Variants in BRSK2 observed in about 807,000 individuals in gnomAD.
BRSK2 encodes the protein BR serine/threonine kinase 2, also known as serine/threonine-protein kinase BRSK2.
A neutral mutation model predicts 83.3 loss-of-function variants in BRSK2; 19 were observed. The ratio of observed to expected loss-of-function variants is 0.23; its 90% CI spans 0.16 to 0.33. BRSK2 has a LOEUF of 0.33. Among genes scored for constraint, BRSK2 ranks in the 10% least tolerant of loss-of-function variants. The probability of loss-of-function intolerance (pLI) is 1.00; values close to 1 mark genes in which losing one functional copy is unlikely to be tolerated. For missense variants in BRSK2, 798 were observed against 1,042.3 expected, an observed-to-expected ratio of 0.77 and a Z score of 3.23; for synonymous variants, 519 against 435.4, an observed-to-expected ratio of 1.19 and a Z score of -2.39.
At chr11:1,445,960 G>A (rs947449975) in intron 12 of BRSK2, 53 bp downstream of exon 12, 12 of 1,543,612 alleles carry the variant, frequency 7.8e-6, no homozygotes, top group African/African-American at 1.4e-5. Context: ...TGGCTGCGCG[G>A]CACTGCCGCC....
At chr11:1,426,466 A>C (rs1849238291) in intron 1 of BRSK2, among the ~76,000 whole-genome samples, 1 of 152,098 alleles carries the variant, frequency 6.6e-6, no homozygotes, top group Non-Finnish European at 1.5e-5. Context: ...CGGGGAGGAC[A>C]CATGTAGCCC....
rs1845735022 is a variant in BRSK2, at chr11:1,450,859, C to G, written c.1495+65C>G. 6 of 1,448,372 alleles carry G rather than the reference C, an allele frequency of 4.1e-6. No homozygotes were observed. The Admixed American group carries it at 1.6e-4, about 38-fold the overall frequency. The allele number at this position is 1,448,372 out of a possible 1,614,324, so 89.7% of individuals were successfully genotyped here. On this transcript the variant is annotated intron_variant, in intron 14 of 19. Transcript: ENST00000528841. ...AGAGCAGAGGCTGCCTTGGGGAGGGCCCCGCCCGGCAGTGCCAGACCAGTC... is the reference window on the plus strand; with the variant it reads ...AGAGCAGAGGCTGCCTTGGGGAGGGGCCCGCCCGGCAGTGCCAGACCAGTC...
At chr11:1,442,705 C>T (rs572429773) in intron 5 of BRSK2, 99 bp downstream of exon 5, 86 of 963,282 alleles carry the variant, frequency 8.9e-5, no homozygotes, top group African/African-American at 4.0e-4. Flanking sequence ...CTGAGCCTCC[C>T]GGCACCCCAC....
intron 1 of BRSK2, among the ~76,000 whole-genome samples, chr11:1,400,199 G>A (rs1033545475): frequency 6.6e-6 from 1 of 152,226 alleles, no homozygotes; most frequent in African/African-American, 2.4e-5. Context: ...GAGGGAGTGG[G>A]CAGGCGCTGG....
At position 1,454,657 on chromosome 11, in the gene BRSK2, A is replaced by G. The variant is rs762038374; in HGVS notation, c.1668+49A>G. 1.9e-6 allele frequency: 3 copies of G among 1,605,244 alleles called. No individual in the cohort carries two copies. Among genetic ancestry groups the G allele is most frequent in the Admixed American group, 3.3e-5 (2 of 59,810 alleles). The stretch of plus-strand genomic sequence containing the variant: ...AGGCGGGCAGCCCTCCCAACCCCAC[A>G]CGGCCCAGCCCCGAGAATCCAGCCT... On this transcript the variant is annotated intron_variant, in intron 16 of 19. Coordinates refer to ENST00000528841, the MANE Select transcript of BRSK2 (RefSeq NM_001256627.2). This position sits in a 1 kb window ranked among gnomAD's most constrained non-coding sequence, Gnocchi z 5.2.
rs573137382 is a variant in BRSK2 at position 1,434,708 on chromosome 11, C to T, written c.92-1332C>T. ...GTCTGGGGGCACCTAGGAGTGGGGT[C>T]CCCGTGATAACCTGGGCCGGCTCTG... On this transcript the variant is annotated intron_variant, in intron 1 of 19. Transcript: ENST00000528841. Among the ~76,000 whole-genome samples the T allele has an allele frequency of 3.5e-3, 521 of 150,704 alleles. 1 individual carries two copies. Among genetic ancestry groups the T allele is most frequent in the Middle Eastern group, 6.9e-3 (2 of 290 alleles).
At chr11:1,434,301 C>T (rs562230653) in intron 1 of BRSK2, among the ~76,000 whole-genome samples, 1 of 152,278 alleles carries the variant, frequency 6.6e-6, no homozygotes, top group African/African-American at 2.4e-5. Flanking sequence ...ATCTGGGTGT[C>T]TGGGCGCACC....
At chr11:1,455,116 G>T (rs1846326525) in intron 16 of BRSK2, among the ~76,000 whole-genome samples, 1 of 152,164 alleles carries the variant, frequency 6.6e-6, no homozygotes, top group African/African-American at 2.4e-5. Context: ...TCGCGCTCGG[G>T]GTCTTGGGTG....
intron 1 of BRSK2, among the ~76,000 whole-genome samples, chr11:1,394,686 T>C (rs1845950032): frequency 7.5e-6 from 1 of 133,620 alleles, no homozygotes; most frequent in African/African-American, 2.9e-5. Context: ...AGATGGGTCC[T>C]GGAGATGGGT....
At chr11:1,401,526 A>C in intron 1 of BRSK2, among the ~76,000 whole-genome samples, 1 of 151,580 alleles carries the variant, frequency 6.6e-6, no homozygotes, top group African/African-American at 2.4e-5. Context: ...AGGGAACATC[A>C]CTCCTGGGCC....
chr11:1,449,334 A>C (rs1423266319), intron 12 of BRSK2, among the ~76,000 whole-genome samples: 1 of 152,168 alleles, frequency 6.6e-6, no homozygotes, highest in East Asian at 1.9e-4. Flanking sequence ...GCATCTAGGG[A>C]CATGGAGGAC....
At chr11:1,458,759 G>C (rs959892485) in intron 18 of BRSK2, among the ~76,000 whole-genome samples, 1 of 152,196 alleles carries the variant, frequency 6.6e-6, no homozygotes, top group Non-Finnish European at 1.5e-5. Context: ...GAGGGCCGAG[G>C]AAGAGGGTGC....
chr11:1,395,416 C>G (rs1356017764), intron 1 of BRSK2, among the ~76,000 whole-genome samples: 2 of 152,196 alleles, frequency 1.3e-5, no homozygotes, highest in Non-Finnish European at 2.9e-5. Flanking sequence ...CCTCAAGATG[C>G]TGCCCCTGGC....
At chr11:1,446,031 G>C in intron 12 of BRSK2, 124 bp downstream of exon 12, 1 of 1,301,500 alleles carries the variant, frequency 7.7e-7, no homozygotes, top group Non-Finnish European at 1.0e-6. Flanking sequence ...GGGCTGTATG[G>C]GCTAAACTGG....
intron 1 of BRSK2, among the ~76,000 whole-genome samples, chr11:1,408,500 G>A (rs868110654): frequency 2.6e-5 from 4 of 152,148 alleles, no homozygotes; most frequent in South Asian, 2.1e-4. Context: ...CCTGTGCCAC[G>A]TCCCCCCATC....
At chr11:1,392,586 G>A (rs10833086) in intron 1 of BRSK2, among the ~76,000 whole-genome samples, 88,571 of 152,038 alleles carry the variant, frequency 0.58, 26,947 homozygotes, top group Middle Eastern at 0.71. Context: ...CCTTCCACCC[G>A]GCTGACCCAA....
At chr11:1,422,089 C>T (rs940734266) in intron 1 of BRSK2, among the ~76,000 whole-genome samples, 9 of 152,202 alleles carry the variant, frequency 5.9e-5, no homozygotes, top group East Asian at 3.9e-4. Context: ...GTATTCGAGG[C>T]GGGGTCAGAG....
intron 12 of BRSK2, among the ~76,000 whole-genome samples, chr11:1,446,581 T>G (rs1420861887): frequency 6.6e-6 from 1 of 152,098 alleles, no homozygotes; most frequent in Non-Finnish European, 1.5e-5. Flanking sequence ...GTGGTGTGTG[T>G]GGCCAGGGAC....
intron 1 of BRSK2, among the ~76,000 whole-genome samples, chr11:1,393,428 G>A (rs895385830): frequency 5.9e-5 from 9 of 152,196 alleles, no homozygotes; most frequent in African/African-American, 2.2e-4. Flanking sequence ...TGAGGGGCCT[G>A]CCTTCGGGAA....
Sources: gnomAD v4.1 joint callset for allele counts (sites outside exome capture counted in the v4.1 genomes callset) on GRCh38, gnomAD v4.1.1 for gene constraint, Gnocchi (gnomAD v3.1) non-coding constraint, MANE v1.5 for transcripts, NCBI Gene and HGNC (gene_info 2026-07-23, HGNC 2026-07-21) for gene names.